CSMD3: variants seen among roughly 807,000 people sequenced by gnomAD.
CSMD3 encodes CUB and sushi domain-containing protein 3.
A neutral mutation model predicts 435.2 loss-of-function variants in CSMD3; 177 were observed. The observed-to-expected ratio is 0.41, with a 90% CI of 0.36 to 0.46. The LOEUF is 0.46. Among genes scored for constraint, CSMD3 ranks in the 20% least tolerant of loss-of-function variants. The pLI is 0.34. For synonymous variants in CSMD3, 1,656 were observed against 1,520.5 expected, an observed-to-expected ratio of 1.09 and a Z score of -2.07; for missense variants, 4,265 against 4,504.6, an observed-to-expected ratio of 0.95 and a Z score of 1.52.
At chr8:112,618,676 GACCA>G (rs10549823) in intron 22 of CSMD3, among the ~76,000 whole-genome samples, 119,026 of 151,424 alleles carry the variant, frequency 0.79, 47,429 homozygotes, top group African/African-American at 0.91. Flanking sequence ...GAGGAGTAAG[GACCA>G]ACCATAAAGA....
At chr8:112,402,482 A>G (rs1272909063) in intron 35 of CSMD3, among the ~76,000 whole-genome samples, 1 of 152,178 alleles carries the variant, frequency 6.6e-6, no homozygotes, top group Non-Finnish European at 1.5e-5. Flanking sequence ...GTTTTTGATG[A>G]TATTTAAAGA....
chr8:113,076,796 T>C (rs561826267), intron 5 of CSMD3, among the ~76,000 whole-genome samples: 3 of 152,206 alleles, frequency 2.0e-5, no homozygotes, highest in South Asian at 4.1e-4. Context: ...TATTTTATTG[T>C]ATGGTAAAGT....
intron 5 of CSMD3, among the ~76,000 whole-genome samples, chr8:113,076,436 G>A (rs2089340315): frequency 6.6e-6 from 1 of 151,770 alleles, no homozygotes; most frequent in Non-Finnish European, 1.5e-5. Flanking sequence ...ACCCAGAACA[G>A]CAACATTAAA....
At chr8:112,872,065 A>G (rs1210731976) in intron 10 of CSMD3, among the ~76,000 whole-genome samples, 1 of 152,160 alleles carries the variant, frequency 6.6e-6, no homozygotes, top group East Asian at 1.9e-4. Flanking sequence ...AGGAGTAGGC[A>G]CTGTTCTCTG....
chr8:113,172,627 C>G (rs2092286396), intron 4 of CSMD3, among the ~76,000 whole-genome samples: 1 of 152,150 alleles, frequency 6.6e-6, no homozygotes, highest in Non-Finnish European at 1.5e-5. Flanking sequence ...AATTGTTGAA[C>G]TGATTTTCCT....
chr8:112,312,658 G>A (rs1240547669), intron 49 of CSMD3, among the ~76,000 whole-genome samples: 3 of 152,122 alleles, frequency 2.0e-5, no homozygotes, highest in African/African-American at 4.8e-5. Context: ...GTAGTAATAT[G>A]CTGTCAGTCA....
intron 13 of CSMD3, among the ~76,000 whole-genome samples, chr8:112,752,383 A>G (rs369556055): frequency 6.6e-6 from 1 of 152,172 alleles, no homozygotes; most frequent in African/African-American, 2.4e-5. Context: ...TCTGCTGAAC[A>G]ACCCCCAAAT....
intron 6 of CSMD3, among the ~76,000 whole-genome samples, chr8:112,994,363 C>A (rs2085566356): frequency 6.6e-6 from 1 of 151,446 alleles, no homozygotes; most frequent in Non-Finnish European, 1.5e-5. Context: ...CAAAAGACAA[C>A]TAAAAACTGG....
chr8:113,324,070 C>T (rs1349626173), intron 1 of CSMD3, among the ~76,000 whole-genome samples: 1 of 152,134 alleles, frequency 6.6e-6, no homozygotes, highest in African/African-American at 2.4e-5. Context: ...AGCAGCAAAG[C>T]ATTCAAGAGG....
chr8:112,621,952 G>A (rs1834106660), intron 22 of CSMD3, among the ~76,000 whole-genome samples: 1 of 152,108 alleles, frequency 6.6e-6, no homozygotes, highest in Non-Finnish European at 1.5e-5. Context: ...CATAGGAGTA[G>A]TGAGTATTTC....
chr8:112,924,274 G>A lies in CSMD3; in HGVS notation c.1509-2523C>T, dbSNP rs960996311. 6.6e-5 allele frequency among the ~76,000 whole-genome samples: 10 copies of A among 152,234 alleles called. No individual in the cohort carries two copies. In the South Asian group the frequency reaches 1.5e-3, roughly 22 times the overall value. Reference sequence around the variant, plus strand: ...AGTTAACAAGCTGTCACGGAAATCCGAGTTTTCATGGAGATGTTATGATGG... The same window carrying A: ...AGTTAACAAGCTGTCACGGAAATCCAAGTTTTCATGGAGATGTTATGATGG... On this transcript the variant is annotated intron_variant, in intron 9 of 70. Transcript: ENST00000297405.
At chr8:112,777,121 G>A (rs2078265906) in intron 13 of CSMD3, among the ~76,000 whole-genome samples, 1 of 151,686 alleles carries the variant, frequency 6.6e-6, no homozygotes, top group Non-Finnish European at 1.5e-5. Context: ...AAAAATGAAA[G>A]ACAAGCAAAA....
rs556580258 is a variant in CSMD3, at chr8:112,933,007, A to T, written c.1509-11256T>A. ...AATATATAAAAGTATTTCTGGTAAA[A>T]ACAAAAACAAAAATAAGAAATAGTG... On this transcript the variant is annotated intron_variant, in intron 9 of 70. Coordinates refer to ENST00000297405, the MANE Select transcript of CSMD3 (RefSeq NM_198123.2). 1.6e-3 allele frequency among the ~76,000 whole-genome samples: 251 copies of T among 152,266 alleles called. 8 individuals carry two copies. The South Asian group carries it at 0.048, about 29-fold the overall frequency.
chr8:112,672,538 G>A (rs184026147), intron 16 of CSMD3, among the ~76,000 whole-genome samples: 26 of 152,146 alleles, frequency 1.7e-4, no homozygotes, highest in East Asian at 1.2e-3. Flanking sequence ...TTATTGGTTA[G>A]GTATGTGGAC....
chr8:112,307,650 T>A (rs1053055189), intron 50 of CSMD3, among the ~76,000 whole-genome samples: 1 of 152,132 alleles, frequency 6.6e-6, no homozygotes, highest in Non-Finnish European at 1.5e-5. Context: ...AGGACTAACG[T>A]ATTTGAATAT....
At chr8:112,767,510 C>A (rs1482144325) in intron 13 of CSMD3, among the ~76,000 whole-genome samples, 2 of 151,744 alleles carry the variant, frequency 1.3e-5, no homozygotes, top group East Asian at 3.9e-4. Flanking sequence ...GTTACTTAAC[C>A]TCTCTATGCC....
intron 3 of CSMD3, among the ~76,000 whole-genome samples, chr8:113,259,797 T>C (rs534908954): frequency 6.6e-6 from 1 of 152,238 alleles, no homozygotes; most frequent in South Asian, 2.1e-4. Flanking sequence ...AATTACTAAG[T>C]GGCAGTAATT....
At chr8:112,297,080 T>C (rs1820365856) in intron 53 of CSMD3, among the ~76,000 whole-genome samples, 1 of 150,502 alleles carries the variant, frequency 6.6e-6, no homozygotes. Flanking sequence ...TATTAAAATA[T>C]GTGAATTCTT....
chr8:112,352,009 G>A (rs1277991608), intron 39 of CSMD3, among the ~76,000 whole-genome samples: 1 of 151,972 alleles, frequency 6.6e-6, no homozygotes, highest in East Asian at 1.9e-4. Context: ...GAAATGTATT[G>A]TTATGGAAGT....
Sources: gnomAD v4.1 joint callset for allele counts (sites outside exome capture counted in the v4.1 genomes callset) on GRCh38, gnomAD v4.1.1 for gene constraint, MANE v1.5 for transcripts, NCBI Gene and HGNC (gene_info 2026-07-23, HGNC 2026-07-21) for gene names.